The following FAM135B variants were observed in gnomAD, a reference collection of about 807,000 sequenced individuals.
FAM135B encodes the protein protein FAM135B.
A neutral mutation model predicts 127.7 loss-of-function variants in FAM135B; 43 were observed. That is an observed-to-expected ratio of 0.34 (90% CI 0.26 to 0.43). FAM135B has a LOEUF of 0.43. Ranked by LOEUF, FAM135B falls within the 20% of genes least tolerant of loss-of-function variation. FAM135B has a pLI of 1.00. For missense variants in FAM135B, 1,558 were observed against 1,725.6 expected (o/e 0.90, Z 1.72); for synonymous variants, 670 against 665.1 (o/e 1.01, Z -0.11).
chr8:138,287,832 C>T (rs1374745723), intron 3 of FAM135B, among the ~76,000 whole-genome samples: 1 of 152,070 alleles, frequency 6.6e-6, no homozygotes, highest in Non-Finnish European at 1.5e-5. Context: ...TGTTAAAGTA[C>T]AAAAACCAAA....
chr8:138,302,556 A>C (rs1825965686), intron 3 of FAM135B, among the ~76,000 whole-genome samples: 1 of 125,080 alleles, frequency 8.0e-6, no homozygotes, highest in Admixed American at 8.8e-5. Flanking sequence ...AAAGTCATAA[A>C]GATCTGCTGG....
intron 1 of FAM135B, among the ~76,000 whole-genome samples, chr8:138,489,069 C>T (rs1428921658): frequency 6.6e-6 from 1 of 152,178 alleles, no homozygotes; most frequent in Non-Finnish European, 1.5e-5. Context: ...ACTGCTACTC[C>T]CAGGTTCTCA....
At chr8:138,356,006 G>A (rs1192708726) in intron 2 of FAM135B, among the ~76,000 whole-genome samples, 3 of 152,116 alleles carry the variant, frequency 2.0e-5, no homozygotes, top group Non-Finnish European at 4.4e-5. Context: ...GAGGGAACTA[G>A]CTTAAGCTTT....
chr8:138,159,672 G>A (rs947959272), intron 12 of FAM135B, among the ~76,000 whole-genome samples: 1 of 151,812 alleles, frequency 6.6e-6, no homozygotes, highest in African/African-American at 2.4e-5. Flanking sequence ...GACTTAATGG[G>A]TGCAGCACAC....
chr8:138,247,643 C>T (rs556005005), intron 6 of FAM135B, among the ~76,000 whole-genome samples: 1 of 152,280 alleles, frequency 6.6e-6, no homozygotes, highest in Admixed American at 6.5e-5. Context: ...AATACACTTG[C>T]TCTCTGCCCT....
At chr8:138,459,931 C>T (rs1228048563) in intron 1 of FAM135B, among the ~76,000 whole-genome samples, 1 of 115,336 alleles carries the variant, frequency 8.7e-6, no homozygotes, top group Non-Finnish European at 2.0e-5. Flanking sequence ...CATCCTTGTA[C>T]TCTGCTCCAT....
At chr8:138,325,639 T>C (rs1186701295) in intron 2 of FAM135B, among the ~76,000 whole-genome samples, 1 of 152,186 alleles carries the variant, frequency 6.6e-6, no homozygotes, top group Admixed American at 6.5e-5. Context: ...CAGGGAAGAA[T>C]GACCTCTATA....
At chr8:138,437,392 T>G (rs911657312) in intron 1 of FAM135B, 2 of 152,102 alleles carry the variant, frequency 1.3e-5, no homozygotes, top group African/African-American at 4.8e-5. Context: ...ATGCTGTTCT[T>G]GTGGTAATGA....
intron 1 of FAM135B, among the ~76,000 whole-genome samples, chr8:138,379,195 G>A (rs2131275823): frequency 6.6e-6 from 1 of 152,184 alleles, no homozygotes; most frequent in South Asian, 2.1e-4. Context: ...TTTTGGAGAG[G>A]CAATGTCAAA....
intron 1 of FAM135B, among the ~76,000 whole-genome samples, chr8:138,426,134 G>A (rs200300437): frequency 0.02 from 2,275 of 111,920 alleles, 95 homozygotes; most frequent in African/African-American, 0.057. Context: ...GTGTGTGTGT[G>A]TGTGTATATA....
At chr8:138,367,762 T>A in intron 2 of FAM135B, 145 bp downstream of exon 2, 2 of 656,458 alleles carry the variant, frequency 3.0e-6, no homozygotes. Flanking sequence ...ATTTTTGACT[T>A]GGCAAGAAAA....
At chr8:138,302,122 C>T (rs1247125851) in intron 3 of FAM135B, among the ~76,000 whole-genome samples, 1 of 109,814 alleles carries the variant, frequency 9.1e-6, no homozygotes, top group Non-Finnish European at 1.9e-5. Flanking sequence ...ACAAAAACCA[C>T]ATGAAGGAAG....
intron 6 of FAM135B, among the ~76,000 whole-genome samples, chr8:138,248,946 GTAAGTGGTAGGGC>G (rs1821500688): frequency 6.6e-6 from 1 of 152,074 alleles, no homozygotes; most frequent in African/African-American, 2.4e-5. Flanking sequence ...TCCCCAAAAA[GTAAGTGGTAGGGC>G]TAGATGATAA....
At chr8:138,384,449 C>T (rs989902430) in intron 1 of FAM135B, among the ~76,000 whole-genome samples, 3 of 151,970 alleles carry the variant, frequency 2.0e-5, no homozygotes, top group East Asian at 1.9e-4. Flanking sequence ...GTTCAGCCTG[C>T]GGATTTGTGC....
At chr8:138,452,901 G>A (rs763785704) in intron 1 of FAM135B, among the ~76,000 whole-genome samples, 1 of 152,132 alleles carries the variant, frequency 6.6e-6, no homozygotes, top group African/African-American at 2.4e-5. Context: ...CATGACAGTT[G>A]GTTTGGCCAG....
chr8:138,392,848 GAA>G (rs930283512), intron 1 of FAM135B, among the ~76,000 whole-genome samples: 1 of 152,164 alleles, frequency 6.6e-6, no homozygotes, highest in African/African-American at 2.4e-5. Flanking sequence ...AGCCTATGGG[GAA>G]GAATTAGAAA....
intron 15 of FAM135B, 98 bp from the exon 16 acceptor site, chr8:138,143,207 C>A (rs868391843): frequency 1.4e-6 from 1 of 692,452 alleles, no homozygotes; most frequent in Admixed American, 2.1e-5. Flanking sequence ...GTGGCGCCTA[C>A]TGGGGATGTG....
intron 2 of FAM135B, among the ~76,000 whole-genome samples, chr8:138,343,977 G>A (rs1049305219): frequency 6.6e-6 from 1 of 152,120 alleles, no homozygotes; most frequent in Non-Finnish European, 1.5e-5. Flanking sequence ...TTCGAGGCTT[G>A]TGCCATTTAG....
rs74801449 is a variant in FAM135B at position 138,143,584 on chromosome 8, G to A, written c.3541-475C>T. Among the ~76,000 whole-genome samples, 96 of 152,286 alleles carry A rather than the reference G, an allele frequency of 6.3e-4. No homozygotes were observed. In the East Asian group the frequency reaches 0.013, roughly 21 times the overall value. On this transcript the variant is annotated intron_variant, in intron 15 of 19. Coordinates refer to ENST00000395297, the MANE Select transcript of FAM135B (RefSeq NM_015912.4). ...TGGGAAGGATCGTAAAGTCACCCAC[G>A]TCTTAGGATGGATGGTTGAAGGATC... is the stretch of plus-strand genomic sequence containing the variant.
Sources: allele counts gnomAD v4.1 joint callset (sites outside exome capture counted in the v4.1 genomes callset), GRCh38; gene constraint gnomAD v4.1.1; transcripts MANE v1.5; gene names NCBI Gene and HGNC (gene_info 2026-07-23, HGNC 2026-07-21).